Variants in PSMD14 observed in about 807,000 individuals in gnomAD.
PSMD14 encodes ubiquitin C-terminal hydrolase PSMD14.
In PSMD14, 7 loss-of-function variants were observed where a neutral mutation model predicts 41.2. The ratio of observed to expected loss-of-function variants is 0.17; its 90% CI spans 0.10 to 0.32. PSMD14 has a LOEUF of 0.32. Among genes scored for constraint, PSMD14 ranks in the 10% least tolerant of loss-of-function variants. The pLI is 1.00. For synonymous variants in PSMD14, 114 were observed against 122.3 expected (o/e 0.93, Z 0.45); for missense variants, 139 against 375.6 (o/e 0.37, Z 5.21).
intron 8 of PSMD14, among the ~76,000 whole-genome samples, chr2:161,386,904 G>A (rs987826825): frequency 2.0e-5 from 3 of 151,906 alleles, no homozygotes; most frequent in Non-Finnish European, 4.4e-5. Flanking sequence ...CTTAAAAATC[G>A]ACTGTAATCA....
chr2:161,360,597 C>T (rs545027646), intron 3 of PSMD14, among the ~76,000 whole-genome samples: 12 of 152,096 alleles, frequency 7.9e-5, no homozygotes, highest in East Asian at 3.9e-4. Flanking sequence ...TCAGGTGATC[C>T]GCTTGCCTCT....
chr2:161,315,709 G>A (rs1247391544), intron 1 of PSMD14, among the ~76,000 whole-genome samples: 2 of 151,698 alleles, frequency 1.3e-5, no homozygotes, highest in East Asian at 3.9e-4. Flanking sequence ...AATTTTCAGG[G>A]TATAAGAAAA....
chr2:161,311,198 A>G (rs1425314725), intron 1 of PSMD14, among the ~76,000 whole-genome samples: 1 of 152,120 alleles, frequency 6.6e-6, no homozygotes, highest in African/African-American at 2.4e-5. Context: ...AATCCCAGCT[A>G]CTGGACAGGC....
At chr2:161,397,685 A>G (rs1290004111) in intron 10 of PSMD14, among the ~76,000 whole-genome samples, 5 of 152,224 alleles carry the variant, frequency 3.3e-5, no homozygotes, top group Admixed American at 6.5e-5. Flanking sequence ...AAGTGTAGCA[A>G]TAAGACTTTT....
In PSMD14 at chr2:161,408,979, A is replaced by G. The variant is rs1683991269; in HGVS notation, c.834+80A>G. The G allele has an allele frequency of 6.8e-6, 8 of 1,179,142 alleles. No individual in the cohort carries two copies. In the South Asian group the frequency reaches 8.6e-5, roughly 13 times the overall value. The allele number at this position is 1,179,142 out of a possible 1,614,324, so 73.0% of individuals were successfully genotyped here. ...GTTAAAACTGTTTTAGGGCCTATAT[A>G]ATTTTTTTCCTGTCCACTCTATGTT... On this transcript the variant is annotated intron_variant, in intron 11 of 11. Transcript: ENST00000409682.
intron 7 of PSMD14, among the ~76,000 whole-genome samples, 197 bp downstream of exon 7, chr2:161,371,519 T>C (rs879076316): frequency 2.0e-5 from 3 of 152,180 alleles, no homozygotes; most frequent in Non-Finnish European, 4.4e-5. Context: ...AGATTTCTTC[T>C]TTAATCACTT....
intron 3 of PSMD14, among the ~76,000 whole-genome samples, chr2:161,353,887 A>G (rs1449079843): frequency 1.3e-5 from 2 of 152,220 alleles, no homozygotes; most frequent in Non-Finnish European, 2.9e-5. Flanking sequence ...GGCTTTGCAT[A>G]TTATAATTTA....
intron 11 of PSMD14, 73 bp downstream of exon 11, chr2:161,408,972 C>T (rs1392442939): frequency 1.6e-6 from 2 of 1,256,534 alleles, no homozygotes; most frequent in Non-Finnish European, 2.2e-6. Flanking sequence ...TGTTTTAGGG[C>T]CTATATAATT....
chr2:161,357,628 A>T (rs1683225871), intron 3 of PSMD14, among the ~76,000 whole-genome samples: 1 of 152,190 alleles, frequency 6.6e-6, no homozygotes, highest in South Asian at 2.1e-4. Context: ...TGTAACTATA[A>T]ATCATATTCC....
chr2:161,309,777 T>C (rs907102061), intron 1 of PSMD14, among the ~76,000 whole-genome samples: 3 of 152,236 alleles, frequency 2.0e-5, no homozygotes, highest in Non-Finnish European at 4.4e-5. Context: ...GATGATCTTT[T>C]ATTGATGCTT....
chr2:161,367,686 T>C (rs558771797), intron 4 of PSMD14, 98 bp from the exon 5 acceptor site: 2 of 1,494,520 alleles, frequency 1.3e-6, no homozygotes, highest in Non-Finnish European at 1.8e-6. Context: ...AAAGGAGTTT[T>C]TATTTTCACT....
intron 3 of PSMD14, among the ~76,000 whole-genome samples, chr2:161,354,267 A>C (rs1486615363): frequency 6.6e-6 from 1 of 152,138 alleles, no homozygotes; most frequent in South Asian, 2.1e-4. Context: ...GGGTTGGTGG[A>C]GACAGAGTCT....
intron 10 of PSMD14, among the ~76,000 whole-genome samples, chr2:161,403,683 T>C (rs1444993996): frequency 1.3e-5 from 2 of 152,082 alleles, no homozygotes; most frequent in Non-Finnish European, 2.9e-5. Flanking sequence ...CACTGTTGTG[T>C]TGTTGAAATA....
intron 1 of PSMD14, among the ~76,000 whole-genome samples, chr2:161,315,291 A>G (rs1463254884): frequency 6.6e-6 from 1 of 152,250 alleles, no homozygotes; most frequent in African/African-American, 2.4e-5. Flanking sequence ...CCTGAATATC[A>G]GTAGTACTGA....
chr2:161,388,285 A>G (rs1016301985), intron 8 of PSMD14, among the ~76,000 whole-genome samples: 4 of 152,094 alleles, frequency 2.6e-5, no homozygotes, highest in Non-Finnish European at 5.9e-5. Context: ...TACTGAACAT[A>G]TAAGTTATAA....
At chr2:161,321,938 A>C (rs1165601689) in intron 3 of PSMD14, among the ~76,000 whole-genome samples, 1 of 152,196 alleles carries the variant, frequency 6.6e-6, no homozygotes, top group Non-Finnish European at 1.5e-5. Context: ...CTCGGCATAC[A>C]TGAGCTTGAT....
At chr2:161,409,923 C>G (rs1003997103) in intron 11 of PSMD14, among the ~76,000 whole-genome samples, 1 of 151,962 alleles carries the variant, frequency 6.6e-6, no homozygotes, top group African/African-American at 2.4e-5. Flanking sequence ...AATCATAATA[C>G]TAGATCACCA....
intron 3 of PSMD14, among the ~76,000 whole-genome samples, chr2:161,345,913 C>T (rs1164345655): frequency 1.3e-5 from 2 of 151,822 alleles, no homozygotes. Context: ...TTTTCTGAGA[C>T]AGGGCCTCAC....
intron 1 of PSMD14, among the ~76,000 whole-genome samples, chr2:161,312,483 A>G (rs1574110924): frequency 6.6e-6 from 1 of 152,346 alleles, no homozygotes; most frequent in Admixed American, 6.5e-5. Flanking sequence ...GACATGATCT[A>G]GCAATATCAG....
Sources: allele counts gnomAD v4.1 joint callset (sites outside exome capture counted in the v4.1 genomes callset), GRCh38; gene constraint gnomAD v4.1.1; transcripts MANE v1.5; gene names NCBI Gene and HGNC (gene_info 2026-07-23, HGNC 2026-07-21).